Variants in MAP3K3 observed in about 807,000 individuals in gnomAD.
MAP3K3 encodes the protein mitogen-activated protein kinase kinase kinase 3.
In MAP3K3, 12 loss-of-function variants were observed where a neutral mutation model predicts 80.9. That is an observed-to-expected ratio of 0.15 (90% confidence interval 0.10 to 0.24). The LOEUF is 0.24. Among genes scored for constraint, MAP3K3 ranks in the 10% least tolerant of loss-of-function variants. MAP3K3 has a pLI of 1.00. For missense variants in MAP3K3, 596 were observed against 834.7 expected (o/e 0.71, Z 3.52); for synonymous variants, 272 against 307.1 (o/e 0.89, Z 1.19).
At chr17:63,662,953 T>C (rs1372462348) in intron 5 of MAP3K3, among the ~76,000 whole-genome samples, 2 of 151,216 alleles carry the variant, frequency 1.3e-5, no homozygotes, top group African/African-American at 2.4e-5. Context: ...GGGATTACAG[T>C]TGTGAGCCAC....
chr17:63,692,485 C>T lies in MAP3K3; in HGVS notation c.1652+66C>T, dbSNP rs1213825448. 6.7e-7 allele frequency: 1 copy of T among 1,493,116 alleles called. No homozygotes were observed. The highest frequency in any genetic ancestry group is 2.4e-5 in the East Asian group (1 of 42,296). 92.5% of individuals were successfully genotyped at this position (1,493,116 alleles called of 1,614,324 possible). ...CCATAGTGGCCCCCCATTAGAAACA[C>T]ACCCTGGGGACTTTGTGGTGTGGCA... On this transcript the variant is annotated intron_variant, in intron 15 of 15. Coordinates refer to ENST00000361733, the MANE Select transcript of MAP3K3 (RefSeq NM_002401.5). The surrounding 1 kb of genome is among the most constrained non-coding windows in gnomAD (Gnocchi z 4.5).
intron 2 of MAP3K3, among the ~76,000 whole-genome samples, chr17:63,642,474 G>A (rs918896085): frequency 1.3e-5 from 2 of 151,962 alleles, no homozygotes; most frequent in Non-Finnish European, 2.9e-5. Context: ...AACCTGGCCA[G>A]GGGTGAAACC....
At chr17:63,685,730 A>G in intron 8 of MAP3K3, 140 bp downstream of exon 8, 1 of 674,418 alleles carries the variant, frequency 1.5e-6, no homozygotes, top group Non-Finnish European at 2.7e-6. Context: ...TTTCCCCAAC[A>G]CCACGAGAAT....
chr17:63,639,790 G>C (rs1223377540), intron 2 of MAP3K3, among the ~76,000 whole-genome samples: 1 of 152,168 alleles, frequency 6.6e-6, no homozygotes, highest in Non-Finnish European at 1.5e-5. Context: ...AAAGTTGTAG[G>C]AGATCAGTGG....
chr17:63,692,560 T>TG lies in MAP3K3; in HGVS notation c.1652+144dup. The TG allele has an allele frequency of 1.2e-6, 1 of 833,702 alleles. No individual in the cohort carries two copies. Among genetic ancestry groups the TG allele is most frequent in the Non-Finnish European group, 1.8e-6 (1 of 551,552 alleles). The allele number at this position is 833,702 out of a possible 1,614,324, so 51.6% of individuals were successfully genotyped here. A position where few individuals can be genotyped will look rare whatever the true frequency, so the allele number is the denominator to read the frequency against. On this transcript the variant is annotated intron_variant, in intron 15 of 15. Transcript: ENST00000361733. This position sits in a 1 kb window ranked among gnomAD's most constrained non-coding sequence, Gnocchi z 4.5. Reference sequence around the variant, plus strand: ...GCTGCAGTGTGTGCAAGGGTATTATTGGGTGCAGTAGCACACACACCACAT... The same window carrying TG: ...GCTGCAGTGTGTGCAAGGGTATTATTGGGGTGCAGTAGCACACACACCACAT...
At chr17:63,635,078 T>A (rs764162783) in intron 2 of MAP3K3, among the ~76,000 whole-genome samples, 3 of 152,252 alleles carry the variant, frequency 2.0e-5, no homozygotes, top group Admixed American at 2.0e-4. Context: ...TAGCTACATG[T>A]GGCTGTTGAG....
At chr17:63,627,462 G>GTTA (rs2034125361) in intron 1 of MAP3K3, among the ~76,000 whole-genome samples, 5 of 149,246 alleles carry the variant, frequency 3.4e-5, no homozygotes, top group African/African-American at 1.2e-4. Flanking sequence ...TTTTTTTTTG[G>GTTA]GGTGGAGTTT....
At chr17:63,627,920 T>TC (rs2034135858) in intron 1 of MAP3K3, among the ~76,000 whole-genome samples, 1 of 151,422 alleles carries the variant, frequency 6.6e-6, no homozygotes, top group Admixed American at 6.6e-5. Flanking sequence ...TTTTTTTTTT[T>TC]CTGAGACAGA....
Position 63,634,883 on chromosome 17 carries a change from A to G in MAP3K3, c.126+2081A>G, listed in dbSNP as rs973674667. 9 of 1,236,870 alleles carry G rather than the reference A, an allele frequency of 7.3e-6. No homozygotes were observed. The Admixed American group carries it at 1.5e-4, about 21-fold the overall frequency. 76.6% of individuals were successfully genotyped at this position (1,236,870 alleles called of 1,614,324 possible). A position where few individuals can be genotyped will look rare whatever the true frequency, so the allele number is the denominator to read the frequency against. ...GCTGCAACAGCAGAATTCACTTCCC[A>G]GACAAGTTGTTTTAGTGGATTTGTA... is the stretch of plus-strand genomic sequence containing the variant. On this transcript the variant is annotated intron_variant, in intron 2 of 15. Transcript: ENST00000361733.
rs2035626290 is a variant in MAP3K3, at chr17:63,693,073, T to C, written c.1653-476T>C. Among the ~76,000 whole-genome samples, 1 of 152,094 alleles carries C rather than the reference T, an allele frequency of 6.6e-6. No homozygotes were observed. Among genetic ancestry groups the C allele is most frequent in the South Asian group, 2.1e-4 (1 of 4,830 alleles). On this transcript the variant is annotated intron_variant, in intron 15 of 15. Transcript: ENST00000361733. This position sits in a 1 kb window ranked among gnomAD's most constrained non-coding sequence, Gnocchi z 4.2. The stretch of plus-strand genomic sequence containing the variant: ...TTGGAGTAATACAAGGAGGGGACCA[T>C]GAGCCACGAAATGCAGGTGGCCTCT...
chr17:63,655,066 TAAAC>T (rs1467828719), intron 4 of MAP3K3, among the ~76,000 whole-genome samples: 6 of 152,202 alleles, frequency 3.9e-5, no homozygotes, highest in Non-Finnish European at 5.9e-5. Context: ...TATTTTTAAA[TAAAC>T]AAATAAAGGA....
At chr17:63,636,122 T>A (rs928855187) in intron 2 of MAP3K3, among the ~76,000 whole-genome samples, 1 of 152,172 alleles carries the variant, frequency 6.6e-6, no homozygotes, top group African/African-American at 2.4e-5. Context: ...ACAGGATTGT[T>A]TGGGTGCCGA....
intron 6 of MAP3K3, among the ~76,000 whole-genome samples, chr17:63,674,891 G>T (rs770892039): frequency 6.6e-6 from 1 of 152,156 alleles, no homozygotes; most frequent in African/African-American, 2.4e-5. Flanking sequence ...TTGAAAGGAT[G>T]AGGGTAGATT....
chr17:63,689,460 C>T lies in MAP3K3; in HGVS notation c.872-84C>T, dbSNP rs754663581. ...GGTTTGTATATTCCGCCTTGTAGCC[C>T]GGGGTGTCTCAGACCTGGTTTGTAC... On this transcript the variant is annotated intron_variant, in intron 10 of 15. Coordinates refer to ENST00000361733, the MANE Select transcript of MAP3K3 (RefSeq NM_002401.5). This position sits in a 1 kb window ranked among gnomAD's most constrained non-coding sequence, Gnocchi z 4.3. 1.8e-4 allele frequency: 222 copies of T among 1,208,794 alleles called. No homozygotes were observed. The highest frequency in any genetic ancestry group is 2.3e-4 in the Non-Finnish European group (201 of 861,402). The allele number at this position is 1,208,794 out of a possible 1,614,324, so 74.9% of individuals were successfully genotyped here. A position where few individuals can be genotyped will look rare whatever the true frequency, so the allele number is the denominator to read the frequency against.
chr17:63,641,593 G>A (rs766858407), intron 2 of MAP3K3, among the ~76,000 whole-genome samples: 1 of 152,244 alleles, frequency 6.6e-6, no homozygotes, highest in South Asian at 2.1e-4. Flanking sequence ...ACCTAAGTTC[G>A]AGGTTACACA....
chr17:63,661,110 G>A (rs961324672), intron 5 of MAP3K3, among the ~76,000 whole-genome samples: 13 of 151,972 alleles, frequency 8.6e-5, no homozygotes, highest in East Asian at 7.8e-4. Context: ...ACCCAGGTAC[G>A]ATCTCAGCTC....
intron 4 of MAP3K3, among the ~76,000 whole-genome samples, chr17:63,654,578 C>G (rs2034726076): frequency 6.6e-6 from 1 of 152,050 alleles, no homozygotes; most frequent in South Asian, 2.1e-4. Context: ...AAGGTATATA[C>G]CTAGGCGTGG....
At chr17:63,639,863 A>G (rs1200223950) in intron 2 of MAP3K3, among the ~76,000 whole-genome samples, 1 of 152,170 alleles carries the variant, frequency 6.6e-6, no homozygotes, top group East Asian at 1.9e-4. Flanking sequence ...GTTGCTTTAT[A>G]TCTTATTTTC....
intron 4 of MAP3K3, 88 bp downstream of exon 4, chr17:63,652,744 C>A: frequency 1.2e-6 from 1 of 807,556 alleles, no homozygotes; most frequent in Non-Finnish European, 2.0e-6. Context: ...AAAGTTTGTT[C>A]CTCTAATATC....
Sources: allele counts gnomAD v4.1 joint callset (sites outside exome capture counted in the v4.1 genomes callset), GRCh38; gene constraint gnomAD v4.1.1; non-coding constraint Gnocchi (gnomAD v3.1); transcripts MANE v1.5; gene names NCBI Gene and HGNC (gene_info 2026-07-23, HGNC 2026-07-21).